Variants in SLC4A1 observed in about 807,000 individuals in gnomAD.
SLC4A1 encodes solute carrier family 4 member 1 (Diego blood group).
SLC4A1 carries 29 observed loss-of-function variants against 93.1 expected under a neutral mutation model. That is an observed-to-expected ratio of 0.31 (90% confidence interval 0.23 to 0.42). The LOEUF (loss-of-function observed/expected upper bound fraction) is 0.42, where lower values mean the gene tolerates loss of function less well. Ranked by LOEUF, SLC4A1 falls within the 20% of genes least tolerant of loss-of-function variation. The pLI is 1.00. For synonymous variants in SLC4A1, 469 were observed against 497.2 expected (o/e 0.94, Z 0.76); for missense variants, 965 against 1,190.1 (o/e 0.81, Z 2.78).
rs1486545465 is a variant in SLC4A1, at chr17:44,251,496, C to T, written c.2404G>A (p.Gly802Ser). Reference sequence around the variant, plus strand: ...AAGATGCGGTCAAAGAGCTGGATGCCGCTGAGCGACGTGACCCCCATGTAG... The same window carrying T: ...AAGATGCGGTCAAAGAGCTGGATGCTGCTGAGCGACGTGACCCCCATGTAG... Reference protein sequence around the residue: ...FLYMGVTSLSGIQLFDRILLL... With the variant: ...FLYMGVTSLSSIQLFDRILLL... Residue 802 changes from glycine (G) to serine (S), a missense_variant, in exon 18 of 20, where the codon GGC (glycine) becomes AGC (serine). Around this residue, in one of 2 missense-constraint regions of SLC4A1, gnomAD observed 770 missense variants for 1,006.6 expected, o/e 0.76. Transcript: ENST00000262418. 5.0e-6 allele frequency: 8 copies of T among 1,614,006 alleles called. No homozygotes were observed. The highest frequency in any genetic ancestry group is 1.7e-5 in the Admixed American group (1 of 60,000).
intron 1 of SLC4A1, among the ~76,000 whole-genome samples, chr17:44,263,295 G>A (rs952497556): frequency 5.9e-5 from 9 of 152,098 alleles, no homozygotes; most frequent in African/African-American, 1.9e-4. Context: ...GGGACCTGCT[G>A]GTCTCTTCTT....
At position 44,251,429 on chromosome 17, in the gene SLC4A1, T is replaced by G. The variant is rs371349671; in HGVS notation, c.2471A>C (p.Tyr824Ser). Residue 824 changes from tyrosine (Y) to serine (S), a missense_variant, in exon 18 of 20, where the codon TAC becomes TCC. By Grantham distance (144) the Tyr-to-Ser change is moderately radical. This residue lies in a region of SLC4A1 where 770 missense variants were observed against 1,006.6 expected (regional missense o/e 0.76). Transcript: ENST00000262418. ...AAAAGGGTCCTGTACCCGCTTGACG[T>G]AGGGCACATCTGGGTGATACTTGGG... ...KPPKYHPDVP[Y>S]VKRVKTWRMH... 2 of 1,614,096 alleles carry G rather than the reference T, an allele frequency of 1.2e-6. No individual in the cohort carries two copies. The highest frequency in any genetic ancestry group is 2.7e-5 in the African/African-American group (2 of 74,934).
At chr17:44,250,659 A>C (rs2047330349) in intron 19 of SLC4A1, 121 bp from the exon 20 acceptor site, 1 of 760,940 alleles carries the variant, frequency 1.3e-6, no homozygotes, top group Admixed American at 2.0e-5. Context: ...ACCTTGGACC[A>C]GTCCTGTTTT....
chr17:44,261,856 T>G (rs1457449820), intron 3 of SLC4A1, among the ~76,000 whole-genome samples: 1 of 152,150 alleles, frequency 6.6e-6, no homozygotes, highest in Non-Finnish European at 1.5e-5. Flanking sequence ...ATCTGAGCCT[T>G]GTCGAGGACA....
intron 13 of SLC4A1, among the ~76,000 whole-genome samples, chr17:44,256,525 G>A (rs1168399275): frequency 6.6e-6 from 1 of 152,240 alleles, no homozygotes; most frequent in Non-Finnish European, 1.5e-5. Context: ...AAGGCAAGCA[G>A]AGCTTAAGAT....
chr17:44,255,762 C>T lies in SLC4A1; in HGVS notation c.1711G>A (p.Ala571Thr), dbSNP rs1427615024. The T allele has an allele frequency of 6.2e-7, 1 of 1,614,102 alleles. No homozygotes were observed. Reference sequence around the variant, plus strand: ...GCCATGAGCACAAGGGAGAGGAGGGCTGTGTTGGGCAGGGGGCCCTGAGGT... The same window carrying T: ...GCCATGAGCACAAGGGAGAGGAGGGTTGTGTTGGGCAGGGGGCCCTGAGGT... ...PKPQGPLPNT[A>T]LLSLVLMAGT... Residue 571 changes from alanine (A) to threonine (T), a missense_variant, in exon 14 of 20, where the codon GCC (alanine) becomes ACC (threonine). Physicochemically the swap from Ala to Thr is moderately conservative, Grantham distance 58 (BLOSUM62 0). This residue lies in a region of SLC4A1 where 770 missense variants were observed against 1,006.6 expected (regional missense o/e 0.76). Coordinates refer to ENST00000262418, the MANE Select transcript of SLC4A1 (RefSeq NM_000342.4).
At chr17:44,251,035 C>T in intron 19 of SLC4A1, 124 bp downstream of exon 19, 1 of 1,083,638 alleles carries the variant, frequency 9.2e-7, no homozygotes, top group Admixed American at 2.0e-5. Flanking sequence ...CACAGCAGGC[C>T]AGAACCTGGA....
intron 13 of SLC4A1, 57 bp from the exon 14 acceptor site, chr17:44,255,903 A>G: frequency 6.5e-7 from 1 of 1,539,592 alleles, no homozygotes; most frequent in Non-Finnish European, 9.0e-7. Flanking sequence ...GGGCTGGAAA[A>G]TACCACCAGC....
intron 15 of SLC4A1, 61 bp downstream of exon 15, chr17:44,255,146 T>TG: frequency 9.2e-7 from 1 of 1,082,124 alleles, no homozygotes. Flanking sequence ...AGGGGCATGC[T>TG]GGGGGGTGGA....
chr17:44,260,486 G>C lies in SLC4A1; in HGVS notation c.403C>G (p.Leu135Val), dbSNP rs748601363. ...TCTTCAAAGATAAACCTGTCTAGCAGTTGGTTGGCCACTCCAGCCAGGGAG... is the reference window on the plus strand; with the variant it reads ...TCTTCAAAGATAAACCTGTCTAGCACTTGGTTGGCCACTCCAGCCAGGGAG... The part of the protein sequence containing the change: ...ETSLAGVANQ[L>V]LDRFIFEDQI... Residue 135 changes from leucine (L) to valine (V), a missense_variant, in exon 6 of 20, where the codon CTG (leucine) becomes GTG (valine). This residue lies in a region of SLC4A1 where 195 missense variants were observed against 183.5 expected (regional missense o/e 1.06). Coordinates refer to ENST00000262418, the MANE Select transcript of SLC4A1 (RefSeq NM_000342.4). The C allele has an allele frequency of 1.2e-6, 2 of 1,614,230 alleles. No homozygotes were observed. Among genetic ancestry groups the C allele is most frequent in the Non-Finnish European group, 1.7e-6 (2 of 1,180,030 alleles).
In SLC4A1 at chr17:44,254,674, G is replaced by C; in HGVS notation, c.1891-12C>G. On this transcript the variant is annotated splice_polypyrimidine_tract_variant and intron_variant, in intron 15 of 19. Coordinates refer to ENST00000262418, the MANE Select transcript of SLC4A1 (RefSeq NM_000342.4). ...GGCACCGAGAGTTTCTGTGGGAGGG[G>C]GTAGCAGGTAAGAATGCCAAGGGCA... The C allele has an allele frequency of 6.2e-7, 1 of 1,613,438 alleles. No homozygotes were observed. Among genetic ancestry groups the C allele is most frequent in the Non-Finnish European group, 8.5e-7 (1 of 1,179,750 alleles).
At chr17:44,254,985 A>C (rs1432332496) in intron 15 of SLC4A1, among the ~76,000 whole-genome samples, 2 of 152,136 alleles carry the variant, frequency 1.3e-5, no homozygotes, top group Non-Finnish European at 2.9e-5. Context: ...GCTCTGGGTT[A>C]AGGAATGAAG....
chr17:44,250,977 T>C (rs2047333189), intron 19 of SLC4A1, among the ~76,000 whole-genome samples, 182 bp downstream of exon 19: 1 of 152,088 alleles, frequency 6.6e-6, no homozygotes. Flanking sequence ...GTGAGCAAAA[T>C]GAAGACACAG....
chr17:44,259,694 A>G, intron 7 of SLC4A1, 113 bp from the exon 8 acceptor site: 2 of 1,552,284 alleles, frequency 1.3e-6, no homozygotes, highest in Non-Finnish European at 1.8e-6. Flanking sequence ...CCCCGGGCAC[A>G]GGAGTGCTTC....
chr17:44,263,791 CAG>C (rs2047472680), intron 1 of SLC4A1, among the ~76,000 whole-genome samples: 1 of 148,722 alleles, frequency 6.7e-6, no homozygotes, highest in Admixed American at 6.7e-5. Context: ...CTTTTTGAGA[CAG>C]AGTCTCACTC....
intron 1 of SLC4A1, among the ~76,000 whole-genome samples, chr17:44,267,527 C>G (rs751972586): frequency 2.6e-5 from 4 of 152,214 alleles, no homozygotes; most frequent in African/African-American, 7.2e-5. Flanking sequence ...ATGGAATTAG[C>G]CTGAGCTAAG....
rs572579240 is a variant in SLC4A1, at chr17:44,259,792, C to T, written c.609+17G>A. On this transcript the variant is annotated intron_variant, in intron 7 of 19. Transcript: ENST00000262418. ...TGCCCCACCCTGACCCTGACCCTGA[C>T]CCTGTAACTGACTCACCTGCTCACA... is the stretch of plus-strand genomic sequence containing the variant. 6.2e-6 allele frequency: 10 copies of T among 1,613,808 alleles called. No homozygotes were observed. Among genetic ancestry groups the T allele is most frequent in the African/African-American group, 1.3e-5 (1 of 74,866 alleles).
chr17:44,251,085 T>C (rs2047334173), intron 19 of SLC4A1, 74 bp downstream of exon 19: 1 of 1,494,074 alleles, frequency 6.7e-7, no homozygotes, highest in African/African-American at 1.4e-5. Context: ...GACTCTGTCC[T>C]GCCTGCCCTA....
rs185591115 is a variant in SLC4A1 at position 44,250,255 on chromosome 17, C to T, written c.*203G>A. ...ACAAACCCCCTAATGTGGGCCCCATCGGCCATCCCCAGCCAGAAAAGCCAG... is the reference window on the plus strand; with the variant it reads ...ACAAACCCCCTAATGTGGGCCCCATTGGCCATCCCCAGCCAGAAAAGCCAG... On this transcript the variant is annotated 3_prime_UTR_variant, in exon 20 of 20. Transcript: ENST00000262418. The T allele has an allele frequency of 1.1e-4, 66 of 573,936 alleles. No homozygotes were observed. Among genetic ancestry groups the T allele is most frequent in the African/African-American group, 6.7e-4 (36 of 53,464 alleles). The allele number at this position is 573,936 out of a possible 1,614,324, so 35.6% of individuals were successfully genotyped here.
Sources: gnomAD v4.1 joint callset for allele counts (sites outside exome capture counted in the v4.1 genomes callset) on GRCh38, gnomAD v4.1.1 for gene constraint, gnomAD v4.1.1 regional missense constraint, MANE v1.5 for transcripts, NCBI Gene and HGNC (gene_info 2026-07-23, HGNC 2026-07-21) for gene names.